DLG2: variants seen among roughly 807,000 people sequenced by gnomAD.
The protein encoded by DLG2 is disks large homolog 2.
A neutral mutation model predicts 132.5 loss-of-function variants in DLG2; 45 were observed. That is an observed-to-expected ratio of 0.34 (90% CI 0.27 to 0.44). The LOEUF (loss-of-function observed/expected upper bound fraction) is 0.44. Among genes scored for constraint, DLG2 ranks in the 20% least tolerant of loss-of-function variants. DLG2 has a pLI of 1.00. For missense variants in DLG2, 1,045 were observed against 1,196.9 expected, an observed-to-expected ratio of 0.87 and a Z score of 1.87; for synonymous variants, 424 against 419.6, an observed-to-expected ratio of 1.01 and a Z score of -0.13.
chr11:84,313,340 T>A (rs2098311501), intron 7 of DLG2, among the ~76,000 whole-genome samples: 3 of 149,104 alleles, frequency 2.0e-5, no homozygotes, highest in Admixed American at 2.0e-4. Flanking sequence ...GTCTTGAACT[T>A]CTGGCCTCTA....
intron 7 of DLG2, among the ~76,000 whole-genome samples, chr11:84,434,936 A>C (rs2098996164): frequency 6.6e-6 from 1 of 151,316 alleles, no homozygotes; most frequent in Admixed American, 6.6e-5. Flanking sequence ...AAAAAAAAAA[A>C]AGAAAAGCCC....
intron 6 of DLG2, among the ~76,000 whole-genome samples, chr11:84,606,818 C>T (rs1246916456): frequency 1.3e-5 from 2 of 152,068 alleles, no homozygotes; most frequent in Non-Finnish European, 2.9e-5. Flanking sequence ...GCGTTAAGCT[C>T]CTCTTTCTAC....
intron 7 of DLG2, among the ~76,000 whole-genome samples, chr11:84,425,914 G>A (rs1472301934): frequency 1.3e-5 from 2 of 152,078 alleles, no homozygotes; most frequent in African/African-American, 4.8e-5. Context: ...GCAACCACTG[G>A]TGTGGAATTG....
intron 6 of DLG2, among the ~76,000 whole-genome samples, chr11:84,886,779 C>T (rs4529904): frequency 0.42 from 64,588 of 151,972 alleles, 14,169 homozygotes; most frequent in Middle Eastern, 0.45. Flanking sequence ...TATTTCTGTT[C>T]ATCTTCACAT....
chr11:83,706,354 T>G (rs946692486), intron 18 of DLG2, among the ~76,000 whole-genome samples: 5 of 152,190 alleles, frequency 3.3e-5, no homozygotes, highest in Admixed American at 3.3e-4. Flanking sequence ...GACATGGTAC[T>G]GGAGACAGCA....
At chr11:85,568,348 T>C (rs562444513) in intron 3 of DLG2, among the ~76,000 whole-genome samples, 1 of 152,196 alleles carries the variant, frequency 6.6e-6, no homozygotes, top group Non-Finnish European at 1.5e-5. Context: ...TTGTTGAGGA[T>C]TTTTGCATCT....
intron 6 of DLG2, among the ~76,000 whole-genome samples, chr11:84,709,177 G>C (rs760216962): frequency 1.8e-4 from 27 of 151,926 alleles, no homozygotes; most frequent in African/African-American, 3.1e-4. Flanking sequence ...TAATATGCTA[G>C]AGATGATAAA....
intron 7 of DLG2, among the ~76,000 whole-genome samples, chr11:84,440,886 A>G (rs1449464173): frequency 6.6e-6 from 1 of 152,180 alleles, no homozygotes; most frequent in Non-Finnish European, 1.5e-5. Flanking sequence ...ATTTTTGTTT[A>G]AAAATAATCT....
intron 7 of DLG2, among the ~76,000 whole-genome samples, chr11:84,433,901 G>C (rs1263498119): frequency 6.6e-6 from 1 of 152,098 alleles, no homozygotes; most frequent in Non-Finnish European, 1.5e-5. Flanking sequence ...CAGATCACTT[G>C]AGCTCAGGAG....
chr11:83,870,545 G>A (rs543823911), intron 16 of DLG2, among the ~76,000 whole-genome samples: 3 of 152,050 alleles, frequency 2.0e-5, no homozygotes, highest in East Asian at 1.9e-4. Flanking sequence ...GCTTTTTAAC[G>A]GAAAGGTTTG....
chr11:85,468,157 T>C (rs1022461074), intron 3 of DLG2, among the ~76,000 whole-genome samples: 19 of 152,070 alleles, frequency 1.2e-4, no homozygotes, highest in African/African-American at 3.9e-4. Flanking sequence ...GATGGTGATA[T>C]CCCCTTTATC....
At chr11:85,097,582 C>A (rs1566842245) in intron 6 of DLG2, among the ~76,000 whole-genome samples, 3 of 152,172 alleles carry the variant, frequency 2.0e-5, no homozygotes, top group African/African-American at 7.2e-5. Context: ...TAGCTATGGG[C>A]AACAGAACAG....
chr11:85,263,416 GGT>G (rs1480230672), intron 4 of DLG2, among the ~76,000 whole-genome samples: 1 of 152,156 alleles, frequency 6.6e-6, no homozygotes, highest in African/African-American at 2.4e-5. Context: ...GGTTTGCCCT[GGT>G]TGAGCTGCCA....
chr11:84,929,696 T>C (rs1237132313), intron 6 of DLG2, among the ~76,000 whole-genome samples: 1 of 152,142 alleles, frequency 6.6e-6, no homozygotes, highest in African/African-American at 2.4e-5. Context: ...AAAACTTCAG[T>C]GTATATCAAC....
At chr11:84,445,880 C>A (rs182399504) in intron 7 of DLG2, among the ~76,000 whole-genome samples, 10 of 137,818 alleles carry the variant, frequency 7.3e-5, no homozygotes, top group African/African-American at 2.8e-4. Flanking sequence ...GGTGTCACTG[C>A]ACTCCAGGCT....
At chr11:83,914,676 G>A (rs767449281) in intron 15 of DLG2, among the ~76,000 whole-genome samples, 2 of 152,138 alleles carry the variant, frequency 1.3e-5, no homozygotes, top group African/African-American at 4.8e-5. Context: ...CTAGTGAGTA[G>A]AGCCAGGATC....
chr11:84,338,686 A>C (rs1447072837), intron 7 of DLG2, among the ~76,000 whole-genome samples: 1 of 152,066 alleles, frequency 6.6e-6, no homozygotes, highest in South Asian at 2.1e-4. Context: ...GTCACCTGTA[A>C]TCCCAGCTAC....
chr11:84,838,442 G>A (rs1260530022), intron 6 of DLG2, among the ~76,000 whole-genome samples: 1 of 150,846 alleles, frequency 6.6e-6, no homozygotes. Flanking sequence ...CTATCAAATA[G>A]ACAAAAATCA....
At chr11:84,212,687 T>C (rs961575756) in intron 8 of DLG2, among the ~76,000 whole-genome samples, 1 of 152,104 alleles carries the variant, frequency 6.6e-6, no homozygotes, top group African/African-American at 2.4e-5. Flanking sequence ...GAGACAAGAG[T>C]CTCGCTCTGT....
Sources: allele counts gnomAD v4.1 joint callset (sites outside exome capture counted in the v4.1 genomes callset), GRCh38; gene constraint gnomAD v4.1.1; transcripts MANE v1.5; gene names NCBI Gene and HGNC (gene_info 2026-07-23, HGNC 2026-07-21).